The following CACNA2D3 variants were observed in gnomAD, a reference collection of about 807,000 sequenced individuals.
CACNA2D3 encodes voltage-dependent calcium channel subunit alpha-2/delta-3.
Under a neutral mutation model 160.6 loss-of-function variants are expected in CACNA2D3, and 60 were observed. The ratio of observed to expected loss-of-function variants is 0.37; its 90% CI spans 0.30 to 0.46. The LOEUF is 0.46. Ranked by LOEUF, CACNA2D3 falls within the 20% of genes least tolerant of loss-of-function variation. The pLI, the probability that CACNA2D3 is intolerant of heterozygous loss-of-function variation, is 1.00. For missense variants in CACNA2D3, 1,205 were observed against 1,365.0 expected (o/e 0.88, Z 1.85); for synonymous variants, 558 against 492.9 (o/e 1.13, Z -1.75).
At chr3:54,584,082 C>T (rs1325001405) in intron 9 of CACNA2D3, among the ~76,000 whole-genome samples, 1 of 151,908 alleles carries the variant, frequency 6.6e-6, no homozygotes, top group Non-Finnish European at 1.5e-5. Flanking sequence ...CCCCCTTGGC[C>T]CTTCTCCTAC....
rs555792555 is a variant in CACNA2D3, at chr3:54,428,450, A to G, written c.381+41676A>G. On this transcript the variant is annotated intron_variant, in intron 4 of 37. Coordinates refer to ENST00000474759, the MANE Select transcript of CACNA2D3 (RefSeq NM_018398.3). The stretch of plus-strand genomic sequence containing the variant: ...TGAATTTAAGCTGCAGCCAGACACC[A>G]TAATGTGACCATCCACTAGATGTCG... Among the ~76,000 whole-genome samples, 111 of 152,324 alleles carry G rather than the reference A, an allele frequency of 7.3e-4. No homozygotes were observed. In the Middle Eastern group the frequency reaches 0.01, roughly 14 times the overall value.
chr3:54,423,326 A>T (rs1218644545), intron 4 of CACNA2D3, among the ~76,000 whole-genome samples: 1 of 152,116 alleles, frequency 6.6e-6, no homozygotes, highest in East Asian at 1.9e-4. Context: ...TAGAGGGTAA[A>T]TATTCATTGG....
chr3:54,707,769 G>A (rs1700884902), intron 11 of CACNA2D3, among the ~76,000 whole-genome samples: 1 of 152,134 alleles, frequency 6.6e-6, no homozygotes, highest in South Asian at 2.1e-4. Flanking sequence ...TGAAGGAGAG[G>A]GAGATTCTGG....
At chr3:54,303,828 T>TTTTTTTTTTG (rs1703534482) in intron 2 of CACNA2D3, among the ~76,000 whole-genome samples, 5 of 146,070 alleles carry the variant, frequency 3.4e-5, no homozygotes, top group African/African-American at 7.7e-5. Flanking sequence ...GTTTTTTTTT[T>TTTTTTTTTTG]TTTTTTTTTT....
At chr3:54,930,474 G>A (rs113167384) in intron 27 of CACNA2D3, among the ~76,000 whole-genome samples, 10 of 152,340 alleles carry the variant, frequency 6.6e-5, no homozygotes, top group African/African-American at 2.4e-4. Context: ...ATATTTAGCT[G>A]TGTCTATAAG....
chr3:54,630,807 T>G (rs1216207334), intron 10 of CACNA2D3, among the ~76,000 whole-genome samples: 3 of 152,116 alleles, frequency 2.0e-5, no homozygotes, highest in Non-Finnish European at 4.4e-5. Flanking sequence ...AAACCCTCCA[T>G]ACCCCTGTAA....
At chr3:54,673,054 G>A (rs956973574) in intron 11 of CACNA2D3, among the ~76,000 whole-genome samples, 12 of 152,218 alleles carry the variant, frequency 7.9e-5, no homozygotes, top group Non-Finnish European at 1.2e-4. Flanking sequence ...GACTACACAT[G>A]GGCTTAGGGA....
At position 54,465,867 on chromosome 3, in the gene CACNA2D3, A is replaced by G. The variant is rs1004335888; in HGVS notation, c.382-37625A>G. ...CCTGGATCTCACAAGGCTGAAGGTA[A>G]GGTGCTGGCTGGGCTCTTAATCTGG... On this transcript the variant is annotated intron_variant, in intron 4 of 37. Transcript: ENST00000474759. 7.2e-5 allele frequency among the ~76,000 whole-genome samples: 11 copies of G among 152,174 alleles called. No homozygotes were observed. In the South Asian group the frequency reaches 1.2e-3, roughly 17 times the overall value.
At chr3:54,846,297 T>A in intron 16 of CACNA2D3, 96 bp from the exon 17 acceptor site, 1 of 723,968 alleles carries the variant, frequency 1.4e-6, no homozygotes, top group Non-Finnish European at 2.4e-6. Context: ...AATGACAAGT[T>A]AAAGCTGTAA....
rs906854184 is a variant in CACNA2D3 at position 54,474,524 on chromosome 3, G to A, written c.382-28968G>A. Among the ~76,000 whole-genome samples, 16 of 152,078 alleles carry A rather than the reference G, an allele frequency of 1.1e-4. 1 individual carries two copies. Among genetic ancestry groups the A allele is most frequent in the Non-Finnish European group, 1.3e-4 (9 of 68,028 alleles). ...TAACAAACCTTCATGTTCTGCACAT[G>A]TATCCCAGAACTTAAAGTATAATAA... is the stretch of plus-strand genomic sequence containing the variant. On this transcript the variant is annotated intron_variant, in intron 4 of 37. Coordinates refer to ENST00000474759, the MANE Select transcript of CACNA2D3 (RefSeq NM_018398.3).
chr3:54,626,264 G>A, intron 9 of CACNA2D3: 1 of 1,297,762 alleles, frequency 7.7e-7, no homozygotes, highest in Admixed American at 2.0e-5. Context: ...TTCACCTACC[G>A]TGGCGTGGAC....
intron 6 of CACNA2D3, among the ~76,000 whole-genome samples, chr3:54,568,428 A>G (rs1702443339): frequency 6.6e-6 from 1 of 152,210 alleles, no homozygotes; most frequent in Non-Finnish European, 1.5e-5. Flanking sequence ...GTGGGTCAAC[A>G]CATTTAAAAA....
rs781615117 is a variant in CACNA2D3 at position 55,009,458 on chromosome 3, G to T, written c.2875+15G>T. The T allele has an allele frequency of 1.2e-6, 2 of 1,612,744 alleles. No homozygotes were observed. Among genetic ancestry groups the T allele is most frequent in the South Asian group, 1.1e-5 (1 of 91,062 alleles). Reference sequence around the variant, plus strand: ...GACAGCTAAAGGTGAGCAGCAACTGGTTTCTGTTTCCCAGCTTGGAGGGAT... The same window carrying T: ...GACAGCTAAAGGTGAGCAGCAACTGTTTTCTGTTTCCCAGCTTGGAGGGAT... On this transcript the variant is annotated intron_variant, in intron 34 of 37. Transcript: ENST00000474759.
chr3:54,774,629 ATTTT>A (rs111655457), intron 13 of CACNA2D3, among the ~76,000 whole-genome samples: 4 of 107,916 alleles, frequency 3.7e-5, no homozygotes, highest in South Asian at 3.0e-4. Context: ...CTCTTTGACT[ATTTT>A]TTTTTTTTTT....
intron 3 of CACNA2D3, among the ~76,000 whole-genome samples, chr3:54,382,843 A>G (rs562516637): frequency 4.6e-5 from 7 of 152,288 alleles, no homozygotes; most frequent in Admixed American, 1.3e-4. Flanking sequence ...CCCATGACTC[A>G]GCTTTTTTTA....
chr3:55,050,193 T>C (rs1259109907), intron 35 of CACNA2D3, among the ~76,000 whole-genome samples: 1 of 150,796 alleles, frequency 6.6e-6, no homozygotes, highest in Non-Finnish European at 1.5e-5. Context: ...AGTTTCTTCC[T>C]AGTCTCGATG....
At position 54,141,091 on chromosome 3, in the gene CACNA2D3, G is replaced by A. The variant is rs796526659; in HGVS notation, c.204+17497G>A. Among the ~76,000 whole-genome samples, 109 of 97,442 alleles carry A rather than the reference G, an allele frequency of 1.1e-3. 1 individual carries two copies. The South Asian group carries it at 0.033, about 30-fold the overall frequency. The allele number at this position is 97,442 out of a possible 152,430, so 63.9% of individuals were successfully genotyped here. On this transcript the variant is annotated intron_variant, in intron 2 of 37. Transcript: ENST00000474759. The stretch of plus-strand genomic sequence containing the variant: ...TGTGTGTGTGTGTGTGTGTGTGCGC[G>A]CGCGCGCGTGTGTGCATGCATGCCT...
intron 10 of CACNA2D3, chr3:54,638,638 G>A (rs1699433406): frequency 1.3e-5 from 2 of 151,934 alleles, no homozygotes; most frequent in South Asian, 4.1e-4. Context: ...GGGAGGGAAA[G>A]AAGGAAGATT....
At chr3:54,821,641 G>GTTCT (rs1181056443) in intron 14 of CACNA2D3, among the ~76,000 whole-genome samples, 4,269 of 107,618 alleles carry the variant, frequency 0.04, 184 homozygotes, top group East Asian at 0.062. Context: ...AGAGTCTTTC[G>GTTCT]TTCTTTCTTT....
Sources: allele counts gnomAD v4.1 joint callset (sites outside exome capture counted in the v4.1 genomes callset), GRCh38; gene constraint gnomAD v4.1.1; transcripts MANE v1.5; gene names NCBI Gene and HGNC (gene_info 2026-07-23, HGNC 2026-07-21).